The following MAP1S variants were observed in gnomAD, a reference collection of about 807,000 sequenced individuals.
The protein encoded by MAP1S is microtubule associated protein 1S.
In MAP1S, 27 loss-of-function variants were observed where a neutral mutation model predicts 60.9. That is an observed-to-expected ratio of 0.44 (90% CI 0.33 to 0.61). MAP1S has a LOEUF of 0.61. MAP1S is among the 20% of genes least tolerant of loss of function. The pLI, the probability that MAP1S is intolerant of heterozygous loss-of-function variation, is 0.03. For synonymous variants in MAP1S, 826 were observed against 694.2 expected (o/e 1.19, Z -2.98); for missense variants, 1,608 against 1,486.6 (o/e 1.08, Z -1.34).
chr19:17,726,330 G>A lies in MAP1S; in HGVS notation c.946G>A (p.Ala316Thr). Residue 316 changes from alanine (A) to threonine (T), a missense_variant, in exon 5 of 7, where the codon GCT (alanine) becomes ACT (threonine). By Grantham distance (58) the Ala-to-Thr change is moderately conservative (BLOSUM62 0). Transcript: ENST00000324096. ...CAAACTGGCGGAGCGCTCCGAGGTGGCTGCTGGTGGGGGCTCCTGGGACGA... is the reference window on the plus strand; with the variant it reads ...CAAACTGGCGGAGCGCTCCGAGGTGACTGCTGGTGGGGGCTCCTGGGACGA... ...RRKLAERSEV[A>T]AGGGSWDDRL... is the part of the protein sequence containing the mutation. The A allele has an allele frequency of 6.2e-7, 1 of 1,603,262 alleles. No homozygotes were observed. Among genetic ancestry groups the A allele is most frequent in the Non-Finnish European group, 8.5e-7 (1 of 1,178,474 alleles).
In MAP1S at chr19:17,725,035, AC is replaced by A. The variant is rs1276755459; in HGVS notation, c.304-9del. 1 of 1,613,622 alleles carries A rather than the reference AC, an allele frequency of 6.2e-7. No homozygotes were observed. The highest frequency in any genetic ancestry group is 8.5e-7 in the Non-Finnish European group (1 of 1,179,934). On this transcript the variant is annotated splice_polypyrimidine_tract_variant and intron_variant, in intron 3 of 6. Coordinates refer to ENST00000324096, the MANE Select transcript of MAP1S (RefSeq NM_018174.6). This position sits in a 1 kb window ranked among gnomAD's most constrained non-coding sequence, Gnocchi z 4.2. ...GCACAGAACGGGTCCTTTAGTGTTCACCCCCTCCCTCAGCTCCGGAACCTTC... is the reference window on the plus strand; with the variant it reads ...GCACAGAACGGGTCCTTTAGTGTTCACCCCTCCCTCAGCTCCGGAACCTTC...
rs1201115672 is a variant in MAP1S, at chr19:17,727,808, C to T, written c.2424C>T (p.Asp808=). 1.1e-5 allele frequency: 17 copies of T among 1,612,992 alleles called. No individual in the cohort carries two copies. The highest frequency in any genetic ancestry group is 1.4e-5 in the Non-Finnish European group (17 of 1,179,738). Residue 808 remains aspartate (D), a synonymous_variant, in exon 5 of 7, where the codon GAC becomes GAT. Transcript: ENST00000324096. This position sits in a 1 kb window ranked among gnomAD's most constrained non-coding sequence, Gnocchi z 4.1. ...TGCCCCTGGCCCCCGGTGCGGCAGA[C>T]TCAGACGAAGACACAGAGGGCTTTG... The part of the protein sequence containing the change: ...DPVPLAPGAA[D]SDEDTEGFGV...
rs373138984 is a variant in MAP1S, at chr19:17,726,155, C to T, written c.771C>T (p.Ala257=). 18 of 1,613,794 alleles carry T rather than the reference C, an allele frequency of 1.1e-5. No individual in the cohort carries two copies. The highest frequency in any genetic ancestry group is 1.4e-5 in the Non-Finnish European group (17 of 1,179,892). The change falls in exon 5 of 7, where the codon GCC becomes GCT. Residue 257 remains alanine (A), a synonymous_variant. Transcript: ENST00000324096. The part of the protein sequence containing the change: ...PGGLGDAAFF[A]VNGFTVLVNG... ...GCCTCGGGGATGCCGCCTTCTTCGCCGTCAATGGCTTCACTGTGCTGGTCA... is the reference window on the plus strand; with the variant it reads ...GCCTCGGGGATGCCGCCTTCTTCGCTGTCAATGGCTTCACTGTGCTGGTCA...
In MAP1S at chr19:17,724,392, G is replaced by A. The variant is rs2080398901; in HGVS notation, c.303+184G>A. On this transcript the variant is annotated intron_variant, in intron 3 of 6. Transcript: ENST00000324096. ...TCCGCTTCTTCCCTCCTCTGGGGTG[G>A]GAGCAGAAAAGCCTGGACTTTGGGA... 2.0e-5 allele frequency among the ~76,000 whole-genome samples: 3 copies of A among 152,138 alleles called. No homozygotes were observed. In the South Asian group the frequency reaches 6.2e-4, roughly 31 times the overall value.
chr19:17,723,577 G>A (rs1233516238), intron 2 of MAP1S, among the ~76,000 whole-genome samples: 3 of 151,480 alleles, frequency 2.0e-5, no homozygotes, highest in East Asian at 1.9e-4. Context: ...AAGGCCGGGC[G>A]CGGTGGCTCA....
rs371381126 is a variant in MAP1S, at chr19:17,726,719, G to A, written c.1335G>A (p.Leu445=). ...CTPPACLLDG[L]VRLQHLRFLR... ...CGCCCGCCTGCCTCCTGGACGGCCT[G>A]GTCCGCCTGCAGCACTTGAGGTTCC... The change falls in exon 5 of 7, where the codon CTG becomes CTA. Residue 445 remains leucine (L), a synonymous_variant. Coordinates refer to ENST00000324096, the MANE Select transcript of MAP1S (RefSeq NM_018174.6). 1,150 of 1,591,306 alleles carry A rather than the reference G, an allele frequency of 7.2e-4. No individual in the cohort carries two copies. The highest frequency in any genetic ancestry group is 9.2e-4 in the Non-Finnish European group (1,078 of 1,172,502).
At chr19:17,732,584 C>T (rs1340203567) in intron 5 of MAP1S, among the ~76,000 whole-genome samples, 1 of 152,226 alleles carries the variant, frequency 6.6e-6, no homozygotes, top group East Asian at 1.9e-4. Context: ...CCCACCCTGG[C>T]TCCCCATCAC....
In MAP1S at chr19:17,726,209, C is replaced by A. The variant is rs1162793515; in HGVS notation, c.825C>A (p.Phe275Leu). Reference protein sequence around the residue: ...VNGGSNPKSSFWKLVRHLDRV... With the variant: ...VNGGSNPKSSLWKLVRHLDRV... ...GTGGCTCAAACCCCAAGTCCAGTTT[C>A]TGGAAGCTGGTGCGGCACCTGGACC... is the stretch of plus-strand genomic sequence containing the variant. The change falls in exon 5 of 7, where the codon TTC becomes TTA. Residue 275 changes from phenylalanine (F) to leucine (L), a missense_variant. Physicochemically the swap from Phe to Leu is conservative, Grantham distance 22. This residue lies in a region of MAP1S where 320 missense variants were observed against 393.1 expected (regional missense o/e 0.81). Coordinates refer to ENST00000324096, the MANE Select transcript of MAP1S (RefSeq NM_018174.6). 1 of 1,611,298 alleles carries A rather than the reference C, an allele frequency of 6.2e-7. No individual in the cohort carries two copies. The highest frequency in any genetic ancestry group is 1.3e-5 in the African/African-American group (1 of 74,906).
At chr19:17,734,085 A>G (rs7253117) in intron 6 of MAP1S, among the ~76,000 whole-genome samples, 188 bp from the exon 7 acceptor site, 74,296 of 151,974 alleles carry the variant, frequency 0.49, 18,963 homozygotes, top group African/African-American at 0.54. Flanking sequence ...GTTGGGAGGA[A>G]CAGGGACCTC....
In MAP1S at chr19:17,726,358, G is replaced by C. The variant is rs149824105; in HGVS notation, c.974G>C (p.Arg325Thr). ...VAAGGGSWDD[R>T]LRRLISPNLG... ...GCTGGTGGGGGCTCCTGGGACGACA[G>C]GCTGCGCAGGCTCATCTCCCCCAAC... The change falls in exon 5 of 7, where the codon AGG becomes ACG. Residue 325 changes from arginine (R) to threonine (T), a missense_variant. Arg to Thr is a moderately conservative substitution (Grantham distance 71). This residue lies in a region of MAP1S where 1,167 missense variants were observed against 961.4 expected (regional missense o/e 1.21). Transcript: ENST00000324096. The C allele has an allele frequency of 4.6e-5, 74 of 1,598,270 alleles. 1 individual carries two copies. The highest frequency in any genetic ancestry group is 5.6e-5 in the Non-Finnish European group (66 of 1,177,850).
rs1344140113 is a variant in MAP1S, at chr19:17,734,346, C to T, written c.3098C>T (p.Ala1033Val). The T allele has an allele frequency of 4.3e-6, 7 of 1,613,848 alleles. No homozygotes were observed. The highest frequency in any genetic ancestry group is 1.1e-5 in the South Asian group (1 of 91,072). ...GCAGAGACGCACGCCCGGCACCAGG[C>T]GCTGGGCATCACGGTGTTGGGCAGC... ...WYAETHARHQ[A>V]LGITVLGSNS... Residue 1033 changes from alanine (A) to valine (V), a missense_variant, in exon 7 of 7, where the codon GCG (alanine) becomes GTG (valine). Physicochemically the swap from Ala to Val is moderately conservative, Grantham distance 64. This residue lies in a region of MAP1S where 76 missense variants were observed against 110.1 expected (regional missense o/e 0.69). Transcript: ENST00000324096.
intron 3 of MAP1S, 161 bp from the exon 4 acceptor site, chr19:17,724,888 G>A: frequency 1.2e-6 from 1 of 809,494 alleles, no homozygotes; most frequent in Non-Finnish European, 2.0e-6. Context: ...GGCCCAGCAG[G>A]AGACCTGGAG....
chr19:17,720,379 G>GGACA, intron 1 of MAP1S: 1 of 1,534,502 alleles, frequency 6.5e-7, no homozygotes, highest in Non-Finnish European at 8.7e-7. Flanking sequence ...TTTGGGCAGT[G>GGACA]GACACAGGGA....
Position 17,734,446 on chromosome 19 carries a change from C to G in MAP1S, c.*18C>G, listed in dbSNP as rs777870442. 5 of 1,597,714 alleles carry G rather than the reference C, an allele frequency of 3.1e-6. No homozygotes were observed. In the Middle Eastern group the frequency reaches 5.0e-4, roughly 160 times the overall value. Reference sequence around the variant, plus strand: ...AGTTCTAGCCCCATCGCCGACACGCCCCCCACTCAGCCCAGCCCGCCTGTC... The same window carrying G: ...AGTTCTAGCCCCATCGCCGACACGCGCCCCACTCAGCCCAGCCCGCCTGTC... On this transcript the variant is annotated 3_prime_UTR_variant, in exon 7 of 7. Coordinates refer to ENST00000324096, the MANE Select transcript of MAP1S (RefSeq NM_018174.6).
rs768834990 is a variant in MAP1S at position 17,734,465 on chromosome 19, GCCTGTC to G, written c.*41_*46del. The G allele has an allele frequency of 1.9e-6, 3 of 1,582,590 alleles. No homozygotes were observed. Among genetic ancestry groups the G allele is most frequent in the Non-Finnish European group, 2.6e-6 (3 of 1,162,588 alleles). ...ACACGCCCCCCACTCAGCCCAGCCC[GCCTGTC>G]CCTAGATTCAGCCACATCAGAAATA... On this transcript the variant is annotated 3_prime_UTR_variant, in exon 7 of 7. Transcript: ENST00000324096.
intron 5 of MAP1S, among the ~76,000 whole-genome samples, chr19:17,729,781 G>C (rs2053461689): frequency 1.3e-5 from 2 of 152,132 alleles, no homozygotes; most frequent in South Asian, 2.1e-4. Context: ...TCCTACCTCA[G>C]CCTCCCAAGT....
intron 1 of MAP1S, 55 bp from the exon 2 acceptor site, chr19:17,720,881 T>G (rs554643811): frequency 5.2e-6 from 7 of 1,356,264 alleles, no homozygotes; most frequent in Non-Finnish European, 7.4e-6. Context: ...ATTGAAATAT[T>G]CTGGGAGCTG....
At chr19:17,720,396 C>A (rs1463966827) in intron 1 of MAP1S, 1 of 1,534,722 alleles carries the variant, frequency 6.5e-7, no homozygotes, top group Non-Finnish European at 8.7e-7. Flanking sequence ...GGGATATGGC[C>A]GGGATGATAG....
rs754885099 is a variant in MAP1S at position 17,724,118 on chromosome 19, C to T, written c.221-8C>T. ...ATTTGACTCCGGGACGGCCTGATTC[C>T]CCCACAGGCCAGCGGAGCCTGCACC... On this transcript the variant is annotated splice_region_variant and splice_polypyrimidine_tract_variant and intron_variant, in intron 2 of 6. Transcript: ENST00000324096. 3.1e-6 allele frequency: 5 copies of T among 1,612,206 alleles called. No individual in the cohort carries two copies. The highest frequency in any genetic ancestry group is 1.1e-5 in the South Asian group (1 of 91,034).
Sources: allele counts gnomAD v4.1 joint callset (sites outside exome capture counted in the v4.1 genomes callset), GRCh38; gene constraint gnomAD v4.1.1; regional missense constraint gnomAD v4.1.1; non-coding constraint Gnocchi (gnomAD v3.1); transcripts MANE v1.5; gene names NCBI Gene and HGNC (gene_info 2026-07-23, HGNC 2026-07-21).